Variants in PHYKPL observed in about 807,000 individuals in gnomAD.
PHYKPL encodes 5-phosphohydroxy-L-lysine phospho-lyase, also known as 5-phosphonooxy-L-lysine phospho-lyase.
Under a neutral mutation model 51.3 loss-of-function variants are expected in PHYKPL, and 42 were observed. The ratio of observed to expected loss-of-function variants is 0.82; its 90% confidence interval spans 0.64 to 1.06. PHYKPL has a LOEUF of 1.06. Among genes scored for constraint, PHYKPL ranks in the 50% least tolerant of loss-of-function variants. The pLI, the probability that PHYKPL is intolerant of heterozygous loss-of-function variation, is 0.00. For missense variants in PHYKPL, 655 were observed against 586.6 expected (o/e 1.12, Z -1.20); for synonymous variants, 264 against 236.0 (o/e 1.12, Z -1.09).
At chr5:178,232,376 T>C in intron 1 of PHYKPL, 116 bp downstream of exon 1, 5 of 1,314,894 alleles carry the variant, frequency 3.8e-6, no homozygotes, top group Middle Eastern at 2.9e-4. Context: ...ACGGGATGGG[T>C]AGCAGCGGCT....
chr5:178,211,555 G>T lies in PHYKPL; in HGVS notation c.*31+335C>A, dbSNP rs1000899703. 14 of 246,772 alleles carry T rather than the reference G, an allele frequency of 5.7e-5. 1 individual carries two copies. The allele number at this position is 246,772 out of a possible 1,614,324, so 15.3% of individuals were successfully genotyped here. A position where few individuals can be genotyped will look rare whatever the true frequency, so the allele number is the denominator to read the frequency against. ...CCTCCTGGCTGGTGAAGAAAAGCCT[G>T]CTCTGGCAGGGGATGTTTATTGGCT... On this transcript the variant is annotated intron_variant, in intron 12 of 12. Coordinates refer to ENST00000308158, the MANE Select transcript of PHYKPL (RefSeq NM_153373.4).
intron 11 of PHYKPL, among the ~76,000 whole-genome samples, chr5:178,212,488 C>A (rs562353417): frequency 3.9e-5 from 6 of 152,240 alleles, no homozygotes; most frequent in East Asian, 1.9e-4. Flanking sequence ...GGGTTGACCA[C>A]GACCATCCTA....
Position 178,222,930 on chromosome 5 carries a change from G to A in PHYKPL, c.623C>T (p.Ala208Val), listed in dbSNP as rs1761483718. The A allele has an allele frequency of 6.2e-7, 1 of 1,613,928 alleles. No homozygotes were observed. Among genetic ancestry groups the A allele is most frequent in the African/African-American group, 1.3e-5 (1 of 74,922 alleles). ...SSAQEKGRKI[A>V]AFFAESLPSV... is the part of the protein sequence containing the mutation. Reference sequence around the variant, plus strand: ...GGGCAGAGACTCAGCGAAGAAGGCTGCAATCTGTGAAGAGATGGACATTGG... The same window carrying A: ...GGGCAGAGACTCAGCGAAGAAGGCTACAATCTGTGAAGAGATGGACATTGG... The change falls in exon 7 of 13, where the codon GCA becomes GTA. Residue 208 changes from alanine (A) to valine (V), a missense_variant. By Grantham distance (64) the Ala-to-Val change is moderately conservative. Coordinates refer to ENST00000308158, the MANE Select transcript of PHYKPL (RefSeq NM_153373.4).
At chr5:178,230,302 A>G in intron 2 of PHYKPL, 1 of 589,842 alleles carries the variant, frequency 1.7e-6, no homozygotes, top group Non-Finnish European at 3.0e-6. Context: ...TTCTGGCAGA[A>G]GGAAAGCCGC....
intron 4 of PHYKPL, 93 bp downstream of exon 4, chr5:178,225,262 C>G: frequency 6.8e-7 from 1 of 1,463,136 alleles, no homozygotes; most frequent in Non-Finnish European, 9.5e-7. Context: ...CCCTTATCCT[C>G]CCTGCCTAAG....
intron 9 of PHYKPL, 111 bp downstream of exon 9, chr5:178,215,165 C>G: frequency 3.3e-6 from 5 of 1,531,294 alleles, no homozygotes; most frequent in Non-Finnish European, 3.6e-6. Context: ...TGTCTCAGTT[C>G]CTCTTGAGAG....
intron 1 of PHYKPL, chr5:178,232,284 C>G: frequency 8.0e-7 from 1 of 1,245,248 alleles, no homozygotes; most frequent in Non-Finnish European, 1.0e-6. Context: ...GAGGCGGCCC[C>G]GGAGACCACC....
At chr5:178,210,223 C>T (rs765659082) in intron 12 of PHYKPL, 14 of 1,612,808 alleles carry the variant, frequency 8.7e-6, no homozygotes, top group South Asian at 5.5e-5. Context: ...ATGGCGGCTA[C>T]GACTACTCGC....
At position 178,231,411 on chromosome 5, in the gene PHYKPL, C is replaced by T. The variant is rs201106661; in HGVS notation, c.172G>A (p.Ala58Thr). The change falls in exon 2 of 13, where the codon GCG becomes ACG. Residue 58 changes from alanine to threonine, a missense_variant. Physicochemically the swap from Ala to Thr is moderately conservative, Grantham distance 58. Coordinates refer to ENST00000308158, the MANE Select transcript of PHYKPL (RefSeq NM_153373.4). ...AEYIDCISNVAHVGHCHPLVV... is the reference protein window; with the variant it reads ...AEYIDCISNVTHVGHCHPLVV... ...CCTGAGGTGTGATACTGACCGTGCG[C>T]CACATTGCTGATGCAATCGATGTAT... 9 of 1,614,222 alleles carry T rather than the reference C, an allele frequency of 5.6e-6. No individual in the cohort carries two copies. The South Asian group carries it at 7.7e-5, about 14-fold the overall frequency.
At position 178,212,865 on chromosome 5, in the gene PHYKPL, C is replaced by T. The variant is rs900082220; in HGVS notation, c.1303+108G>A. ...CCCTGCCCTGTCCAGAGGACATGTG[C>T]CTCTGCTCTTGGACTCTTGTCCCCT... On this transcript the variant is annotated intron_variant, in intron 11 of 12. Coordinates refer to ENST00000308158, the MANE Select transcript of PHYKPL (RefSeq NM_153373.4). The T allele has an allele frequency of 4.8e-6, 7 of 1,462,858 alleles. No individual in the cohort carries two copies. The African/African-American group carries it at 5.6e-5, about 12-fold the overall frequency. The allele number at this position is 1,462,858 out of a possible 1,614,324, so 90.6% of individuals were successfully genotyped here.
chr5:178,218,282 T>A (rs1760375602), intron 8 of PHYKPL, among the ~76,000 whole-genome samples: 1 of 144,276 alleles, frequency 6.9e-6, no homozygotes. Flanking sequence ...GACACAAGCA[T>A]ACCAACATGC....
chr5:178,223,227 C>G, intron 6 of PHYKPL: 1 of 418,124 alleles, frequency 2.4e-6, no homozygotes, highest in South Asian at 2.0e-5. Flanking sequence ...TTTTGATCCA[C>G]GCCTCCTCCC....
chr5:178,216,526 A>C (rs553836694), intron 8 of PHYKPL: 16 of 152,342 alleles, frequency 1.1e-4, no homozygotes, highest in African/African-American at 3.8e-4. Context: ...TTCAGAAAAG[A>C]CATTAAACAA....
chr5:178,217,306 C>T (rs1218907511), intron 8 of PHYKPL, among the ~76,000 whole-genome samples: 7 of 151,340 alleles, frequency 4.6e-5, no homozygotes, highest in South Asian at 2.1e-4. Flanking sequence ...CTGCAGCTGC[C>T]GCCTCCCAGG....
At chr5:178,212,089 C>G (rs1758630043) in intron 11 of PHYKPL, 119 bp from the exon 12 acceptor site, 4 of 1,003,614 alleles carry the variant, frequency 4.0e-6, no homozygotes, top group Admixed American at 2.1e-5. Flanking sequence ...GCTATCCACA[C>G]CCATGTCCCA....
At chr5:178,215,790 G>A (rs1759652797) in intron 8 of PHYKPL, 1 of 207,492 alleles carries the variant, frequency 4.8e-6, no homozygotes, top group African/African-American at 2.3e-5. Context: ...GACTGGATTA[G>A]GCACTTCCTC....
intron 12 of PHYKPL, 185 bp downstream of exon 12, chr5:178,211,704 TC>T (rs1166712696): frequency 2.2e-5 from 13 of 589,710 alleles, no homozygotes; most frequent in Non-Finnish European, 3.9e-5. Context: ...ATATAGCTGT[TC>T]CTGCCATCAA....
chr5:178,213,156 G>A, intron 10 of PHYKPL, 53 bp from the exon 11 acceptor site: 1 of 1,600,934 alleles, frequency 6.2e-7, no homozygotes, highest in Non-Finnish European at 8.5e-7. Context: ...CCTCAGCCTG[G>A]CCTTGGCCTC....
intron 3 of PHYKPL, chr5:178,228,364 C>CA (rs1414996563): frequency 1.3e-5 from 8 of 594,578 alleles, no homozygotes; most frequent in Non-Finnish European, 2.4e-5. Context: ...TGGTAACTGT[C>CA]AATTACTGCT....
Sources: gnomAD v4.1 joint callset for allele counts (sites outside exome capture counted in the v4.1 genomes callset) on GRCh38, gnomAD v4.1.1 for gene constraint, MANE v1.5 for transcripts, NCBI Gene and HGNC (gene_info 2026-07-23, HGNC 2026-07-21) for gene names.